The following ASTN2 variants were observed in gnomAD, a reference collection of about 807,000 sequenced individuals.
ASTN2 encodes astrotactin 2, also known as astrotactin-2.
ASTN2 carries 54 observed loss-of-function variants against 139.8 expected under a neutral mutation model. The ratio of observed to expected loss-of-function variants is 0.39; its 90% CI spans 0.31 to 0.48. ASTN2 has a LOEUF of 0.48. ASTN2 is among the 20% of genes least tolerant of loss of function. The pLI is 0.95. For missense variants in ASTN2, 1,565 were observed against 1,725.1 expected, an observed-to-expected ratio of 0.91 and a Z score of 1.64; for synonymous variants, 756 against 719.5, an observed-to-expected ratio of 1.05 and a Z score of -0.81.
chr9:116,893,158 A>ATC (rs1386183200), intron 10 of ASTN2, among the ~76,000 whole-genome samples: 1 of 96,880 alleles, frequency 1.0e-5, no homozygotes, highest in Non-Finnish European at 2.2e-5. Flanking sequence ...CTAAAGGTGT[A>ATC]TCACACACAC....
At chr9:117,347,670 A>T (rs76522584) in intron 1 of ASTN2, among the ~76,000 whole-genome samples, 2,489 of 152,276 alleles carry the variant, frequency 0.016, 78 homozygotes, top group African/African-American at 0.057. Flanking sequence ...TTTTCTGAAA[A>T]TCAGAAATAG....
chr9:116,647,648 C>T (rs1273244394), intron 17 of ASTN2, among the ~76,000 whole-genome samples: 1 of 152,102 alleles, frequency 6.6e-6, no homozygotes, highest in Non-Finnish European at 1.5e-5. Flanking sequence ...TTGTAGTGTG[C>T]CACATTGCAG....
In ASTN2 at chr9:116,737,741, G is replaced by A. The variant is rs372491065; in HGVS notation, c.2397-4218C>T. Among the ~76,000 whole-genome samples the A allele has an allele frequency of 2.6e-5, 4 of 151,840 alleles. No individual in the cohort carries two copies. The East Asian group carries it at 7.8e-4, about 30-fold the overall frequency. On this transcript the variant is annotated intron_variant, in intron 13 of 22. Coordinates refer to ENST00000313400, the MANE Select transcript of ASTN2 (RefSeq NM_001365068.1). The stretch of plus-strand genomic sequence containing the variant: ...TTGTTGACCATCTCCTATACTCAAG[G>A]TAGTGTGTCAAGATATAGTAGCGTA...
chr9:117,222,443 T>G (rs1832556485), intron 2 of ASTN2, among the ~76,000 whole-genome samples: 1 of 151,920 alleles, frequency 6.6e-6, no homozygotes, highest in Admixed American at 6.5e-5. Flanking sequence ...CTTGTCAGAG[T>G]ACGTGGAGCC....
chr9:116,693,691 C>G (rs1473998131), intron 16 of ASTN2, among the ~76,000 whole-genome samples: 2 of 152,210 alleles, frequency 1.3e-5, no homozygotes, highest in African/African-American at 2.4e-5. Flanking sequence ...CAAGATGATA[C>G]ATAGCATGTT....
chr9:117,141,375 G>A lies in ASTN2; in HGVS notation c.1119C>T (p.Pro373=). The change falls in exon 4 of 23, where the codon CCC becomes CCT. Residue 373 remains proline (P), a synonymous_variant. Transcript: ENST00000313400. ...TPIEIGQLQP[P]LRSTSAGKRK... is the part of the protein sequence containing the mutation. ...TCTTCCCTGCCGATGTGCTGCGCAG[G>A]GGTGGTTGCAGCTGACCGATCTCGA... The A allele has an allele frequency of 7.3e-7, 1 of 1,367,542 alleles. No homozygotes were observed. The highest frequency in any genetic ancestry group is 4.6e-5 in the East Asian group (1 of 21,932). The allele number at this position is 1,367,542 out of a possible 1,614,324, so 84.7% of individuals were successfully genotyped here. A position where few individuals can be genotyped will look rare whatever the true frequency, so the allele number is the denominator to read the frequency against.
At chr9:117,046,857 A>G (rs1262480177) in intron 5 of ASTN2, among the ~76,000 whole-genome samples, 3 of 152,176 alleles carry the variant, frequency 2.0e-5, no homozygotes, top group Non-Finnish European at 4.4e-5. Context: ...GAATGCTTAA[A>G]TGTTGTTTCC....
At chr9:116,488,762 T>A (rs146754006) in intron 19 of ASTN2, among the ~76,000 whole-genome samples, 1 of 152,326 alleles carries the variant, frequency 6.6e-6, no homozygotes, top group African/African-American at 2.4e-5. Context: ...AGGTGGACTG[T>A]CTGGAGAGTG....
Position 117,293,805 on chromosome 9 carries a change from A to G in ASTN2, c.443-2292T>C, listed in dbSNP as rs1587919770. Among the ~76,000 whole-genome samples, 3 of 152,372 alleles carry G rather than the reference A, an allele frequency of 2.0e-5. No individual in the cohort carries two copies. In the South Asian group the frequency reaches 6.2e-4, roughly 32 times the overall value. ...TTTTTCTCTCAGTGCATCAAAGCCT[A>G]AAACCAGAGGTCCAGGGAACCCAGG... is the stretch of plus-strand genomic sequence containing the variant. On this transcript the variant is annotated intron_variant, in intron 1 of 22. Transcript: ENST00000313400.
intron 16 of ASTN2, among the ~76,000 whole-genome samples, chr9:116,694,627 AT>A (rs11340280): frequency 0.57 from 72,986 of 127,908 alleles, 20,443 homozygotes; most frequent in South Asian, 0.71. Flanking sequence ...CGCCCAGCTA[AT>A]TTTTTTTTTT....
chr9:116,576,661 T>C (rs1028783294), intron 19 of ASTN2, among the ~76,000 whole-genome samples: 3 of 150,778 alleles, frequency 2.0e-5, no homozygotes, highest in African/African-American at 7.5e-5. Flanking sequence ...TGGTACTCTG[T>C]GTGCCTGTGC....
chr9:116,790,074 C>A (rs1830490668), intron 13 of ASTN2, among the ~76,000 whole-genome samples: 2 of 151,840 alleles, frequency 1.3e-5, no homozygotes, highest in Non-Finnish European at 1.5e-5. Context: ...TACAGGCACT[C>A]ACAACCACAC....
intron 3 of ASTN2, among the ~76,000 whole-genome samples, chr9:117,155,510 C>G (rs200391320): frequency 9.6e-6 from 1 of 104,036 alleles, no homozygotes; most frequent in Non-Finnish European, 2.2e-5. Context: ...GAGAGAGAGA[C>G]AGAGACAGAG....
chr9:117,201,693 G>T (rs188354705), intron 3 of ASTN2, among the ~76,000 whole-genome samples: 3 of 152,282 alleles, frequency 2.0e-5, no homozygotes, highest in Admixed American at 6.5e-5. Context: ...ATTGCACTGT[G>T]GTGAGAGAGA....
intron 10 of ASTN2, among the ~76,000 whole-genome samples, chr9:116,884,710 T>C (rs913807177): frequency 1.3e-5 from 2 of 151,820 alleles, no homozygotes; most frequent in African/African-American, 4.8e-5. Context: ...CTAGCCATCT[T>C]TGGCGTTTTT....
intron 1 of ASTN2, among the ~76,000 whole-genome samples, chr9:117,383,079 G>A (rs1830312008): frequency 6.6e-6 from 1 of 152,168 alleles, no homozygotes; most frequent in Non-Finnish European, 1.5e-5. Context: ...AAACAAATAA[G>A]CGTGGCTGTG....
rs1218067739 is a variant in ASTN2 at position 117,411,773 on chromosome 9, G to A, written c.442+2724C>T. Among the ~76,000 whole-genome samples the A allele has an allele frequency of 2.6e-5, 4 of 152,156 alleles. No individual in the cohort carries two copies. In the East Asian group the frequency reaches 5.8e-4, roughly 22 times the overall value. On this transcript the variant is annotated intron_variant, in intron 1 of 22. Coordinates refer to ENST00000313400, the MANE Select transcript of ASTN2 (RefSeq NM_001365068.1). ...CTCCACACTCCCCACTATTGGCAGA[G>A]TTTGGCATTTACCAACTTTGCATGC...
At chr9:116,647,753 G>T (rs1440641654) in intron 17 of ASTN2, among the ~76,000 whole-genome samples, 1 of 152,120 alleles carries the variant, frequency 6.6e-6, no homozygotes, top group Non-Finnish European at 1.5e-5. Flanking sequence ...AGTCCCAGAA[G>T]GCCAGTTAAA....
intron 4 of ASTN2, among the ~76,000 whole-genome samples, chr9:117,102,589 C>A (rs1409438804): frequency 2.0e-5 from 3 of 152,156 alleles, no homozygotes; most frequent in South Asian, 2.1e-4. Flanking sequence ...GTGGCATGAT[C>A]TCAGCTCACT....
Sources: allele counts gnomAD v4.1 joint callset (sites outside exome capture counted in the v4.1 genomes callset), GRCh38; gene constraint gnomAD v4.1.1; transcripts MANE v1.5; gene names NCBI Gene and HGNC (gene_info 2026-07-23, HGNC 2026-07-21).